The following LRP2 variants were observed in gnomAD, a reference collection of about 807,000 sequenced individuals.
LRP2 encodes the protein LDL receptor related protein 2.
In LRP2, 172 loss-of-function variants were observed where a neutral mutation model predicts 531.0. The ratio of observed to expected loss-of-function variants is 0.32; its 90% CI spans 0.29 to 0.37. The LOEUF is 0.37. Among genes scored for constraint, LRP2 ranks in the 10% least tolerant of loss-of-function variants. LRP2 has a pLI of 1.00. For synonymous variants in LRP2, 1,992 were observed against 2,027.6 expected (o/e 0.98, Z 0.47); for missense variants, 5,167 against 5,868.3 (o/e 0.88, Z 3.90).
At position 169,244,919 on chromosome 2, in the gene LRP2, T is replaced by C; in HGVS notation, c.3204A>G (p.Ser1068=). The C allele has an allele frequency of 6.2e-7, 1 of 1,614,230 alleles. No individual in the cohort carries two copies. The highest frequency in any genetic ancestry group is 8.5e-7 in the Non-Finnish European group (1 of 1,180,026). Reference sequence around the variant, plus strand: ...CATGGCCACAGGTGAACGCCGAAGATGAACAGGTATTATCTACAATAGTAA... The same window carrying C: ...CATGGCCACAGGTGAACGCCGAAGACGAACAGGTATTATCTACAATAGTAA... The part of the protein sequence containing the change: ...QLCGTLNNTC[S]SSAFTCGHGE... Residue 1068 remains serine, a synonymous_variant, in exon 22 of 79, where the codon TCA becomes TCG. Coordinates refer to ENST00000649046, the MANE Select transcript of LRP2 (RefSeq NM_004525.3).
At position 169,205,650 on chromosome 2, in the gene LRP2, A is replaced by C; in HGVS notation, c.7557-13T>G. Reference sequence around the variant, plus strand: ...CCAGTACAGGTACCTAGTCATACAAAAGGAGTCAATAATTAATTCACAGGG... The same window carrying C: ...CCAGTACAGGTACCTAGTCATACAACAGGAGTCAATAATTAATTCACAGGG... On this transcript the variant is annotated splice_polypyrimidine_tract_variant and intron_variant, in intron 40 of 78. Transcript: ENST00000649046. 1 of 1,613,464 alleles carries C rather than the reference A, an allele frequency of 6.2e-7. No homozygotes were observed.
In LRP2 at chr2:169,259,734, AAC is replaced by A. The variant is rs1690466186; in HGVS notation, c.2321-519_2321-518del. Among the ~76,000 whole-genome samples, 4 of 50,320 alleles carry A rather than the reference AAC, an allele frequency of 7.9e-5. No homozygotes were observed. The East Asian group carries it at 6.7e-3, about 84-fold the overall frequency. 33.0% of individuals were successfully genotyped at this position (50,320 alleles called of 152,430 possible). A position where few individuals can be genotyped will look rare whatever the true frequency, so the allele number is the denominator to read the frequency against. ...AGAAAGGAAATCAGAACTGATTAAA[AAC>A]AACAACAACAAAAAAAAAAAAACGC... On this transcript the variant is annotated intron_variant, in intron 16 of 78. Transcript: ENST00000649046.
chr2:169,241,431 C>A, intron 24 of LRP2, 66 bp from the exon 25 acceptor site: 1 of 1,570,362 alleles, frequency 6.4e-7, no homozygotes, highest in Non-Finnish European at 8.7e-7. Context: ...ATAGTCTAGA[C>A]TCAGAGGAAA....
chr2:169,262,372 A>G (rs549812728), intron 16 of LRP2, among the ~76,000 whole-genome samples: 2,302 of 35,054 alleles, frequency 0.066, 286 homozygotes, highest in Admixed American at 0.32. Flanking sequence ...AAATCTCCTT[A>G]AGCTGATAAG....
At chr2:169,212,897 CT>C (rs1341624697) in intron 36 of LRP2, among the ~76,000 whole-genome samples, 8 of 150,858 alleles carry the variant, frequency 5.3e-5, no homozygotes, top group Non-Finnish European at 8.9e-5. Context: ...CAAACACCAC[CT>C]GTACCCCAAA....
At chr2:169,212,567 T>A (rs1044904815) in intron 36 of LRP2, among the ~76,000 whole-genome samples, 11 of 152,326 alleles carry the variant, frequency 7.2e-5, no homozygotes, top group East Asian at 1.9e-4. Flanking sequence ...TGATTTTTTT[T>A]AAATATATGA....
intron 68 of LRP2, among the ~76,000 whole-genome samples, chr2:169,147,566 T>C (rs1358861204): frequency 6.6e-6 from 1 of 152,066 alleles, no homozygotes; most frequent in Non-Finnish European, 1.5e-5. Context: ...ATCCCCCCAC[T>C]TCAGCCTCCC....
At chr2:169,344,339 A>T (rs1442135635) in intron 1 of LRP2, among the ~76,000 whole-genome samples, 7 of 148,788 alleles carry the variant, frequency 4.7e-5, no homozygotes, top group Admixed American at 4.1e-4. Context: ...CTCATTGTTC[A>T]ACTCCCACTT....
At chr2:169,176,373 C>T (rs1687193848) in intron 54 of LRP2, 38 bp downstream of exon 54, 3 of 1,612,594 alleles carry the variant, frequency 1.9e-6, no homozygotes, top group African/African-American at 1.3e-5. Context: ...TGTCCACGGG[C>T]TAGAGAGGCA....
intron 16 of LRP2, among the ~76,000 whole-genome samples, chr2:169,260,300 G>A (rs1263928401): frequency 6.6e-6 from 1 of 152,098 alleles, no homozygotes; most frequent in African/African-American, 2.4e-5. Flanking sequence ...GATTCCTAAT[G>A]GGCCACATGG....
intron 1 of LRP2, among the ~76,000 whole-genome samples, chr2:169,341,975 G>A (rs1313110861): frequency 1.2e-4 from 19 of 152,024 alleles, no homozygotes; most frequent in Admixed American, 1.2e-3. Context: ...TTGTAGTATG[G>A]AACTATCCTG....
chr2:169,352,539 A>G (rs1685877385), intron 1 of LRP2, among the ~76,000 whole-genome samples: 1 of 152,192 alleles, frequency 6.6e-6, no homozygotes, highest in Admixed American at 6.6e-5. Flanking sequence ...GTTCCCAAAA[A>G]TTGGTCCAGC....
At chr2:169,181,809 C>T (rs978847905) in intron 51 of LRP2, among the ~76,000 whole-genome samples, 191 bp from the exon 52 acceptor site, 1 of 148,896 alleles carries the variant, frequency 6.7e-6, no homozygotes, top group African/African-American at 2.5e-5. Context: ...AGGAAGGGGA[C>T]AATGTACAGA....
chr2:169,182,590 T>C (rs1687482352), intron 50 of LRP2: 2 of 1,323,066 alleles, frequency 1.5e-6, no homozygotes, highest in South Asian at 3.0e-5. Context: ...GGTCTGGTTT[T>C]ACTTTCCTCA....
chr2:169,324,118 T>A (rs541762888), intron 1 of LRP2, among the ~76,000 whole-genome samples: 1 of 152,276 alleles, frequency 6.6e-6, no homozygotes, highest in Non-Finnish European at 1.5e-5. Flanking sequence ...GCTCATTTAA[T>A]CCTCATAATA....
rs546918239 is a variant in LRP2, at chr2:169,308,422, T to C, written c.311-1025A>G. Among the ~76,000 whole-genome samples the C allele has an allele frequency of 5.3e-5, 8 of 152,244 alleles. No individual in the cohort carries two copies. The East Asian group carries it at 1.5e-3, about 29-fold the overall frequency. On this transcript the variant is annotated intron_variant, in intron 3 of 78. Coordinates refer to ENST00000649046, the MANE Select transcript of LRP2 (RefSeq NM_004525.3). ...AGTTTGTGATGTTCCCCATCCTGTG[T>C]CCAGGTGCTCTCATTGTTCAATTCC...
At chr2:169,220,312 TCTCA>T (rs1484802898) in intron 34 of LRP2, 138 bp downstream of exon 34, 36 of 706,224 alleles carry the variant, frequency 5.1e-5, no homozygotes, top group South Asian at 4.0e-4. Context: ...TATTTCTCTT[TCTCA>T]CTGAGATCTA....
chr2:169,360,341 T>C (rs566728467), intron 1 of LRP2, among the ~76,000 whole-genome samples: 1 of 152,234 alleles, frequency 6.6e-6, no homozygotes, highest in South Asian at 2.1e-4. Context: ...ATTATGAAGA[T>C]TAATTGAGTC....
intron 3 of LRP2, among the ~76,000 whole-genome samples, chr2:169,309,729 A>G (rs941070474): frequency 2.6e-5 from 4 of 152,058 alleles, no homozygotes; most frequent in African/African-American, 9.7e-5. Flanking sequence ...TTCCATATGA[A>G]CTTTAAAGTA....
Sources: gnomAD v4.1 joint callset for allele counts (sites outside exome capture counted in the v4.1 genomes callset) on GRCh38, gnomAD v4.1.1 for gene constraint, MANE v1.5 for transcripts, NCBI Gene and HGNC (gene_info 2026-07-23, HGNC 2026-07-21) for gene names.